The following DYNC1H1 variants were observed in gnomAD, a reference collection of about 807,000 sequenced individuals.
The protein encoded by DYNC1H1 is cytoplasmic dynein 1 heavy chain 1.
In DYNC1H1, 51 loss-of-function variants were observed where a neutral mutation model predicts 527.1. The ratio of observed to expected loss-of-function variants is 0.10; its 90% CI spans 0.08 to 0.12. The LOEUF (loss-of-function observed/expected upper bound fraction) is 0.12. Among genes scored for constraint, DYNC1H1 ranks in the 10% least tolerant of loss-of-function variants. DYNC1H1 has a pLI of 1.00. For synonymous variants in DYNC1H1, 2,189 were observed against 2,278.8 expected (o/e 0.96, Z 1.12); for missense variants, 2,771 against 5,971.8 (o/e 0.46, Z 17.66).
Position 102,001,080 on chromosome 14 carries a change from C to T in DYNC1H1, c.4185+16C>T, listed in dbSNP as rs375613946. On this transcript the variant is annotated intron_variant, in intron 19 of 77. Coordinates refer to ENST00000360184, the MANE Select transcript of DYNC1H1 (RefSeq NM_001376.5). The surrounding 1 kb of genome is among the most constrained non-coding windows in gnomAD (Gnocchi z 5.0). ...TTACATGAAGGTAGGTGGCCAGTAT[C>T]GCACGGTGATGAGTGTCCATTAGAA... 32 of 1,613,818 alleles carry T rather than the reference C, an allele frequency of 2.0e-5. No individual in the cohort carries two copies. Among genetic ancestry groups the T allele is most frequent in the Admixed American group, 8.3e-5 (5 of 59,992 alleles).
At chr14:102,022,436 G>A (rs948235511) in intron 42 of DYNC1H1, among the ~76,000 whole-genome samples, 1 of 151,304 alleles carries the variant, frequency 6.6e-6, no homozygotes, top group Admixed American at 6.6e-5. Context: ...AACCCGGGAG[G>A]CGGAGCTTGC....
In DYNC1H1 at chr14:101,986,846, C is replaced by T. The variant is rs748547997; in HGVS notation, c.2538+83C>T. ...AGCTCAGTTAAAACACTAGTTCTCCCGAAGAAGGCATGCATGGTTGATGCA... is the reference window on the plus strand; with the variant it reads ...AGCTCAGTTAAAACACTAGTTCTCCTGAAGAAGGCATGCATGGTTGATGCA... On this transcript the variant is annotated intron_variant, in intron 8 of 77. Coordinates refer to ENST00000360184, the MANE Select transcript of DYNC1H1 (RefSeq NM_001376.5). The surrounding 1 kb of genome is among the most constrained non-coding windows in gnomAD (Gnocchi z 8.7). The T allele has an allele frequency of 8.4e-5, 126 of 1,499,046 alleles. 1 individual carries two copies. The highest frequency in any genetic ancestry group is 1.5e-4 in the South Asian group (13 of 88,078). The allele number at this position is 1,499,046 out of a possible 1,614,324, so 92.9% of individuals were successfully genotyped here. A position where few individuals can be genotyped will look rare whatever the true frequency, so the allele number is the denominator to read the frequency against.
At position 102,041,818 on chromosome 14, in the gene DYNC1H1, C is replaced by T. The variant is rs982991432; in HGVS notation, c.12102+84C>T. 5 of 1,599,662 alleles carry T rather than the reference C, an allele frequency of 3.1e-6. No homozygotes were observed. The highest frequency in any genetic ancestry group is 3.4e-5 in the Admixed American group (2 of 59,030). ...CAGGTGGCAGCAGCCCTGGCATCTG[C>T]TCTCACTCCGGGCTACAGTCTCCTC... On this transcript the variant is annotated intron_variant, in intron 65 of 77. Transcript: ENST00000360184. This position sits in a 1 kb window ranked among gnomAD's most constrained non-coding sequence, Gnocchi z 4.5.
chr14:101,980,069 G>A (rs1411442774), intron 4 of DYNC1H1, 95 bp downstream of exon 4: 2 of 1,578,572 alleles, frequency 1.3e-6, no homozygotes, highest in African/African-American at 2.7e-5. Flanking sequence ...TAAATTATGT[G>A]ATAACTTGTT....
At position 102,033,682 on chromosome 14, in the gene DYNC1H1, C is replaced by G. The variant is rs1300043984; in HGVS notation, c.10413+198C>G. On this transcript the variant is annotated intron_variant, in intron 54 of 77. Coordinates refer to ENST00000360184, the MANE Select transcript of DYNC1H1 (RefSeq NM_001376.5). This position sits in a 1 kb window ranked among gnomAD's most constrained non-coding sequence, Gnocchi z 5.6. ...TGTTGTTAATTAGGATAGATTGATA[C>G]AAACTGGACACTTTTCAGCCGTTGA... 1.1e-4 allele frequency: 80 copies of G among 749,742 alleles called. No homozygotes were observed. 46.4% of individuals were successfully genotyped at this position (749,742 alleles called of 1,614,324 possible).
Position 102,033,387 on chromosome 14 carries a change from A to G in DYNC1H1, c.10316A>G (p.Asp3439Gly). 6.2e-7 allele frequency: 1 copy of G among 1,614,158 alleles called. No individual in the cohort carries two copies. Among genetic ancestry groups the G allele is most frequent in the Non-Finnish European group, 8.5e-7 (1 of 1,180,036 alleles). The change falls in exon 54 of 78, where the codon GAC (aspartate) becomes GGC (glycine). Residue 3439 changes from aspartate to glycine, a missense_variant. This residue lies in a region of DYNC1H1 where 283 missense variants were observed against 737.6 expected (regional missense o/e 0.38). Transcript: ENST00000360184. This position sits in a 1 kb window ranked among gnomAD's most constrained non-coding sequence, Gnocchi z 5.6. ...KANEVEQMIRDLEASIARYKE... is the reference protein window; with the variant it reads ...KANEVEQMIRGLEASIARYKE... ...AACGAGGTGGAGCAGATGATCCGAG[A>G]CCTGGAAGCCAGCATCGCCCGCTAC...
rs2048458534 is a variant in DYNC1H1 at position 102,027,003 on chromosome 14, T to C, written c.8772-171T>C. On this transcript the variant is annotated intron_variant, in intron 44 of 77. Coordinates refer to ENST00000360184, the MANE Select transcript of DYNC1H1 (RefSeq NM_001376.5). The surrounding 1 kb of genome is among the most constrained non-coding windows in gnomAD (Gnocchi z 7.7). The stretch of plus-strand genomic sequence containing the variant: ...CAGTCTAGAGGACAGGACCGTGTCT[T>C]ACTGGTCTTTGCATTCCTCCTGGAC... The C allele has an allele frequency of 1.1e-6, 1 of 882,862 alleles. No homozygotes were observed. The highest frequency in any genetic ancestry group is 1.8e-5 in the Admixed American group (1 of 54,866). The allele number at this position is 882,862 out of a possible 1,614,324, so 54.7% of individuals were successfully genotyped here.
chr14:102,043,447 A>T, intron 69 of DYNC1H1: 1 of 317,862 alleles, frequency 3.1e-6, no homozygotes, highest in Non-Finnish European at 6.1e-6. Context: ...TGGGACTCAG[A>T]GTTGTGTCCC....
At chr14:102,026,117 A>C (rs995390358) in intron 43 of DYNC1H1, among the ~76,000 whole-genome samples, 1 of 151,644 alleles carries the variant, frequency 6.6e-6, no homozygotes, top group African/African-American at 2.4e-5. Context: ...ACAAAAAAAA[A>C]AAAAAAAATA....
At chr14:102,048,313 G>A (rs1351862685) in intron 73 of DYNC1H1, 7 of 772,494 alleles carry the variant, frequency 9.1e-6, no homozygotes, top group East Asian at 5.4e-5. Context: ...GCTGCGACTC[G>A]GGCAGGGGCC....
Position 102,042,143 on chromosome 14 carries a change from C to T in DYNC1H1, c.12214+19C>T, listed in dbSNP as rs1595631794. ...GCAATCGGTAAGGATGCTTGAGGGG[C>T]TTCATGGGCTGGAGCCCTGCAGGAT... On this transcript the variant is annotated intron_variant, in intron 66 of 77. Coordinates refer to ENST00000360184, the MANE Select transcript of DYNC1H1 (RefSeq NM_001376.5). The surrounding 1 kb of genome is among the most constrained non-coding windows in gnomAD (Gnocchi z 5.7). 6.2e-7 allele frequency: 1 copy of T among 1,614,028 alleles called. No individual in the cohort carries two copies. Among genetic ancestry groups the T allele is most frequent in the East Asian group, 2.2e-5 (1 of 44,842 alleles).
At chr14:102,004,453 T>C (rs2035531750) in intron 23 of DYNC1H1, 65 bp from the exon 24 acceptor site, 1 of 1,521,070 alleles carries the variant, frequency 6.6e-7, no homozygotes, top group Non-Finnish European at 8.9e-7. Flanking sequence ...GTTTGAAATC[T>C]TACCTTGATT....
At chr14:102,026,804 C>A (rs1303622791) in intron 44 of DYNC1H1, 97 bp downstream of exon 44, 11 of 1,531,898 alleles carry the variant, frequency 7.2e-6, no homozygotes, top group Admixed American at 1.9e-5. Flanking sequence ...TGTCCTACCA[C>A]CTCCACCTCA....
At chr14:101,972,523 A>G (rs1415154720) in intron 1 of DYNC1H1, among the ~76,000 whole-genome samples, 1 of 152,240 alleles carries the variant, frequency 6.6e-6, no homozygotes, top group Non-Finnish European at 1.5e-5. Flanking sequence ...CTGAAGCAGC[A>G]TTCTACTGCA....
chr14:101,966,110 T>C (rs1384548655), intron 1 of DYNC1H1, among the ~76,000 whole-genome samples: 2 of 152,150 alleles, frequency 1.3e-5, no homozygotes, highest in African/African-American at 4.8e-5. Flanking sequence ...TCTTAAAATT[T>C]CAAAAAACTG....
At chr14:102,030,362 CA>C in intron 51 of DYNC1H1, 80 bp downstream of exon 51, 1 of 1,605,072 alleles carries the variant, frequency 6.2e-7, no homozygotes, top group Non-Finnish European at 8.5e-7. Flanking sequence ...GGTCACTGAA[CA>C]TTGCACATAT....
intron 42 of DYNC1H1, among the ~76,000 whole-genome samples, chr14:102,021,148 C>G (rs1252148761): frequency 6.6e-6 from 1 of 152,120 alleles, no homozygotes; most frequent in African/African-American, 2.4e-5. Flanking sequence ...AAGGTCGAGG[C>G]AGGAGGATCA....
chr14:101,987,336 T>C (rs571612789), intron 8 of DYNC1H1, 117 bp from the exon 9 acceptor site: 391 of 1,173,724 alleles, frequency 3.3e-4, no homozygotes, highest in Non-Finnish European at 4.1e-4. Context: ...TAGCTACTTA[T>C]GGAAGAACTG....
In DYNC1H1 at chr14:101,979,524, C is replaced by T; in HGVS notation, c.518+32C>T. ...ACTGTGGTTTGAATGTTATATTTCACTTAATGTTCACAAGATAGTATAGAA... is the reference window on the plus strand; with the variant it reads ...ACTGTGGTTTGAATGTTATATTTCATTTAATGTTCACAAGATAGTATAGAA... On this transcript the variant is annotated intron_variant, in intron 3 of 77. Coordinates refer to ENST00000360184, the MANE Select transcript of DYNC1H1 (RefSeq NM_001376.5). This position sits in a 1 kb window ranked among gnomAD's most constrained non-coding sequence, Gnocchi z 4.6. 1 of 1,613,758 alleles carries T rather than the reference C, an allele frequency of 6.2e-7. No homozygotes were observed. Among genetic ancestry groups the T allele is most frequent in the South Asian group, 1.1e-5 (1 of 91,006 alleles).
Sources: gnomAD v4.1 joint callset for allele counts (sites outside exome capture counted in the v4.1 genomes callset) on GRCh38, gnomAD v4.1.1 for gene constraint, gnomAD v4.1.1 regional missense constraint, Gnocchi (gnomAD v3.1) non-coding constraint, MANE v1.5 for transcripts, NCBI Gene and HGNC (gene_info 2026-07-23, HGNC 2026-07-21) for gene names.